The following CDIN1 variants were observed in gnomAD, a reference collection of about 807,000 sequenced individuals.
The protein encoded by CDIN1 is CDAN1-interacting nuclease 1.
Under a neutral mutation model 45.3 loss-of-function variants are expected in CDIN1, and 33 were observed. The ratio of observed to expected loss-of-function variants is 0.73; its 90% CI spans 0.55 to 0.97. The LOEUF is 0.97. CDIN1 is among the 50% of genes least tolerant of loss of function. The probability of loss-of-function intolerance (pLI) is 0.00; values close to 1 mark genes in which losing one functional copy is unlikely to be tolerated. For synonymous variants in CDIN1, 118 were observed against 124.4 expected (o/e 0.95, Z 0.34); for missense variants, 303 against 339.4 (o/e 0.89, Z 0.84).
intron 5 of CDIN1, among the ~76,000 whole-genome samples, chr15:36,676,286 CG>C (rs2041647307): frequency 1.3e-5 from 2 of 152,066 alleles, no homozygotes; most frequent in South Asian, 4.1e-4. Flanking sequence ...GGGAGCCTGC[CG>C]AAAAAGAACA....
chr15:36,618,857 A>G lies in CDIN1; in HGVS notation c.102-25421A>G, dbSNP rs192765236. On this transcript the variant is annotated intron_variant, in intron 1 of 10. Coordinates refer to ENST00000566621, the MANE Select transcript of CDIN1 (RefSeq NM_001321759.2). ...TATACCAGTTTCTCCTCCAAGTACT[A>G]CAAAGCCATGGAGGGCAAGTACTGC... The G allele has an allele frequency of 4.3e-5, 40 of 921,544 alleles. No homozygotes were observed. The Admixed American group carries it at 6.1e-4, about 14-fold the overall frequency. The allele number at this position is 921,544 out of a possible 1,614,324, so 57.1% of individuals were successfully genotyped here.
chr15:36,684,398 A>T (rs2041965854), intron 5 of CDIN1, among the ~76,000 whole-genome samples: 1 of 152,050 alleles, frequency 6.6e-6, no homozygotes, highest in Admixed American at 6.5e-5. Context: ...CATATATTGA[A>T]CCAGCCTTGC....
chr15:36,593,968 G>T (rs556516601), intron 1 of CDIN1, among the ~76,000 whole-genome samples: 2 of 152,314 alleles, frequency 1.3e-5, no homozygotes, highest in African/African-American at 4.8e-5. Context: ...CTCTTAAAAA[G>T]AATGGATTGA....
chr15:36,688,925 C>CAGGCAGTCACTTCCTAG (rs1175710835), intron 5 of CDIN1, among the ~76,000 whole-genome samples: 3 of 152,160 alleles, frequency 2.0e-5, no homozygotes, highest in Non-Finnish European at 4.4e-5. Context: ...GTCCACAGCA[C>CAGGCAGTCACTTCCTAG]AGGCAGTCAC....
At chr15:36,674,572 G>A (rs577359603) in intron 5 of CDIN1, among the ~76,000 whole-genome samples, 4 of 152,190 alleles carry the variant, frequency 2.6e-5, no homozygotes, top group South Asian at 2.1e-4. Context: ...CAGAAGCAGC[G>A]TCAAATGTAC....
intron 1 of CDIN1, among the ~76,000 whole-genome samples, chr15:36,609,393 G>A (rs778287873): frequency 3.3e-5 from 5 of 152,134 alleles, no homozygotes; most frequent in Non-Finnish European, 7.3e-5. Context: ...ATAAAAACTT[G>A]TATAAACCAG....
intron 1 of CDIN1, among the ~76,000 whole-genome samples, chr15:36,633,750 A>G (rs1445333446): frequency 6.7e-6 from 1 of 149,342 alleles, no homozygotes; most frequent in Non-Finnish European, 1.5e-5. Context: ...TCCACCCATG[A>G]TACTTTTTTT....
intron 10 of CDIN1, among the ~76,000 whole-genome samples, chr15:36,761,878 T>C (rs2053772730): frequency 6.6e-6 from 1 of 152,174 alleles, no homozygotes; most frequent in Non-Finnish European, 1.5e-5. Flanking sequence ...AAAAATAAAA[T>C]AGAGATTGCC....
chr15:36,741,188 C>CA (rs763174319), intron 10 of CDIN1, among the ~76,000 whole-genome samples: 7 of 152,142 alleles, frequency 4.6e-5, no homozygotes, highest in Non-Finnish European at 1.0e-4. Flanking sequence ...GGCACTGAAG[C>CA]AAAATATATC....
intron 10 of CDIN1, among the ~76,000 whole-genome samples, chr15:36,738,862 G>T (rs188363232): frequency 2.0e-5 from 3 of 152,254 alleles, no homozygotes; most frequent in African/African-American, 7.2e-5. Flanking sequence ...GTTTACCCCT[G>T]TATCACTAGG....
intron 10 of CDIN1, among the ~76,000 whole-genome samples, chr15:36,786,654 C>T (rs1315605880): frequency 6.6e-6 from 1 of 152,180 alleles, no homozygotes; most frequent in African/African-American, 2.4e-5. Flanking sequence ...CTTTCATTCT[C>T]TTTCTGCTGT....
rs188706074 is a variant in CDIN1, at chr15:36,728,720, C to G, written c.716+18759C>G. On this transcript the variant is annotated intron_variant, in intron 10 of 10. Transcript: ENST00000566621. ...GACGAAGTGTTGCTCTGTCACCAGA[C>G]TGGAGTGCAGTGGCACAATCTCGGC... Among the ~76,000 whole-genome samples the G allele has an allele frequency of 4.6e-5, 7 of 152,174 alleles. No homozygotes were observed. In the East Asian group the frequency reaches 1.4e-3, roughly 29 times the overall value.
chr15:36,672,626 G>A (rs565237916), intron 5 of CDIN1, among the ~76,000 whole-genome samples: 1 of 151,592 alleles, frequency 6.6e-6, no homozygotes, highest in South Asian at 2.1e-4. Flanking sequence ...GGGGTGGGGG[G>A]AGGTCTCAAA....
intron 1 of CDIN1, among the ~76,000 whole-genome samples, chr15:36,610,101 A>G (rs2038577924): frequency 6.6e-6 from 1 of 152,234 alleles, no homozygotes; most frequent in Non-Finnish European, 1.5e-5. Flanking sequence ...GTAGTTTATC[A>G]GCAAAATACG....
intron 10 of CDIN1, among the ~76,000 whole-genome samples, chr15:36,807,401 A>G (rs1566989789): frequency 6.6e-6 from 1 of 152,226 alleles, no homozygotes; most frequent in East Asian, 1.9e-4. Flanking sequence ...CACCAAAAGT[A>G]GTGCTGCCCT....
At chr15:36,642,307 CA>C (rs2040141955) in intron 1 of CDIN1, among the ~76,000 whole-genome samples, 2 of 152,200 alleles carry the variant, frequency 1.3e-5, no homozygotes, top group Non-Finnish European at 2.9e-5. Context: ...GACTACCTAG[CA>C]AAGTTCACTT....
chr15:36,691,277 T>C (rs1413304411), intron 5 of CDIN1: 113 of 482,384 alleles, frequency 2.3e-4, no homozygotes, highest in South Asian at 5.3e-4. Context: ...CAGGTCAGAT[T>C]CAAAGACTTC....
chr15:36,608,393 G>C (rs570954278), intron 1 of CDIN1, among the ~76,000 whole-genome samples: 2 of 152,196 alleles, frequency 1.3e-5, no homozygotes, highest in Admixed American at 1.3e-4. Flanking sequence ...TCTCACTGTG[G>C]TTTTGATTTC....
At chr15:36,776,799 G>T (rs556068456) in intron 10 of CDIN1, among the ~76,000 whole-genome samples, 1 of 152,064 alleles carries the variant, frequency 6.6e-6, no homozygotes, top group Non-Finnish European at 1.5e-5. Context: ...GTTGCCAGTC[G>T]CCCAACATAG....
Sources: gnomAD v4.1 joint callset for allele counts (sites outside exome capture counted in the v4.1 genomes callset) on GRCh38, gnomAD v4.1.1 for gene constraint, MANE v1.5 for transcripts, NCBI Gene and HGNC (gene_info 2026-07-23, HGNC 2026-07-21) for gene names.